Variants in ARID1A observed in about 807,000 individuals in gnomAD.
The protein encoded by ARID1A is AT-rich interactive domain-containing protein 1A.
Under a neutral mutation model 212.6 loss-of-function variants are expected in ARID1A, and 20 were observed. The observed-to-expected ratio is 0.09, with a 90% CI of 0.07 to 0.14. ARID1A has a LOEUF of 0.14. ARID1A is among the 10% of genes least tolerant of loss of function. The pLI is 1.00. For missense variants in ARID1A, 2,587 were observed against 3,059.0 expected (o/e 0.85, Z 3.64); for synonymous variants, 1,376 against 1,222.1 (o/e 1.13, Z -2.63).
intron 1 of ARID1A, chr1:26,727,889 C>CTT (rs1404929345): frequency 2.0e-5 from 3 of 152,206 alleles, no homozygotes; most frequent in Non-Finnish European, 4.4e-5. Flanking sequence ...CCCCCAAGCT[C>CTT]TTTACAGGGG....
intron 4 of ARID1A, among the ~76,000 whole-genome samples, chr1:26,760,629 C>T (rs560381284): frequency 9.9e-5 from 15 of 151,646 alleles, no homozygotes; most frequent in Admixed American, 2.0e-4. Context: ...TCAGAGGTTG[C>T]GATGAGCCGA....
chr1:26,772,402 G>A (rs991343274), intron 12 of ARID1A, 98 bp from the exon 13 acceptor site: 2 of 1,562,174 alleles, frequency 1.3e-6, no homozygotes, highest in Non-Finnish European at 1.7e-6. Context: ...GCCTTAGGAA[G>A]AACTTTCCCA....
intron 4 of ARID1A, among the ~76,000 whole-genome samples, chr1:26,735,338 G>A (rs1236950581): frequency 6.6e-6 from 1 of 152,020 alleles, no homozygotes; most frequent in Non-Finnish European, 1.5e-5. Flanking sequence ...TGTTGCCCAG[G>A]CTGGAGTGCA....
chr1:26,781,148 G>C lies in ARID1A; in HGVS notation c.*392G>C, dbSNP rs1396050280. The stretch of plus-strand genomic sequence containing the variant: ...CAACGGGATGCCACATTTCATAACT[G>C]TTTTTAATGGTAAAAAAAAAAAAAA... On this transcript the variant is annotated 3_prime_UTR_variant, in exon 20 of 20. Transcript: ENST00000324856. 3 of 221,444 alleles carry C rather than the reference G, an allele frequency of 1.4e-5. No individual in the cohort carries two copies. In the Admixed American group the frequency reaches 1.9e-4, roughly 14 times the overall value. 13.7% of individuals were successfully genotyped at this position (221,444 alleles called of 1,614,324 possible).
rs2124790430 is a variant in ARID1A, at chr1:26,731,581, C to A, written c.1780C>A (p.Gln594Lys). ...GCAGTCCCAGCAAACTGCCTATTCCCAGCAGCGCTTCCCTCCACCGCAGGT... is the reference window on the plus strand; with the variant it reads ...GCAGTCCCAGCAAACTGCCTATTCCAAGCAGCGCTTCCCTCCACCGCAGGT... ...SQQSQQTAYS[Q>K]QRFPPPQELS... The change falls in exon 3 of 20, where the codon CAG (glutamine) becomes AAG (lysine). Residue 594 changes from glutamine (Q) to lysine (K), a missense_variant. Gln to Lys is a moderately conservative substitution (Grantham distance 53, BLOSUM62 1). This residue lies in a region of ARID1A where 674 missense variants were observed against 813.4 expected (regional missense o/e 0.83). Transcript: ENST00000324856. 5 of 1,613,972 alleles carry A rather than the reference C, an allele frequency of 3.1e-6. No individual in the cohort carries two copies. Among genetic ancestry groups the A allele is most frequent in the Non-Finnish European group, 4.2e-6 (5 of 1,179,860 alleles).
In ARID1A at chr1:26,696,433, C is replaced by A; in HGVS notation, c.30C>A (p.Ala10=). 7.7e-7 allele frequency: 1 copy of A among 1,291,648 alleles called. No homozygotes were observed. Among genetic ancestry groups the A allele is most frequent in the South Asian group, 2.3e-5 (1 of 44,196 alleles). The allele number at this position is 1,291,648 out of a possible 1,614,324, so 80.0% of individuals were successfully genotyped here. A position where few individuals can be genotyped will look rare whatever the true frequency, so the allele number is the denominator to read the frequency against. Residue 10 remains alanine (A), a synonymous_variant, in exon 1 of 20, where the codon GCC becomes GCA. Coordinates refer to ENST00000324856, the MANE Select transcript of ARID1A (RefSeq NM_006015.6). ...CCGCGCAGGTCGCCCCCGCCGCCGC[C>A]AGCAGCCTGGGCAACCCGCCGCCGC... MAAQVAPAA[A]SSLGNPPPPP...
chr1:26,704,765 A>G (rs1401900179), intron 1 of ARID1A, among the ~76,000 whole-genome samples: 1 of 151,894 alleles, frequency 6.6e-6, no homozygotes, highest in Non-Finnish European at 1.5e-5. Flanking sequence ...AAGCTGAGGC[A>G]GGAGGATTGC....
At position 26,710,494 on chromosome 1, in the gene ARID1A, T is replaced by TAACACACAC. The variant is rs1553147496; in HGVS notation, c.1137+12955_1137+12956insACACACACA. 2.4e-4 allele frequency among the ~76,000 whole-genome samples: 32 copies of TAACACACAC among 131,424 alleles called. 1 individual carries two copies. In the Admixed American group the frequency reaches 2.4e-3, roughly 10 times the overall value. 86.2% of individuals were successfully genotyped at this position (131,424 alleles called of 152,430 possible). The stretch of plus-strand genomic sequence containing the variant: ...CCATCTCAAAAAATAAAATAATACA[T>TAACACACAC]ACACACACACACACACACACACACA... On this transcript the variant is annotated intron_variant, in intron 1 of 19. Transcript: ENST00000324856.
At chr1:26,750,474 C>T (rs1309194343) in intron 4 of ARID1A, among the ~76,000 whole-genome samples, 1 of 152,092 alleles carries the variant, frequency 6.6e-6, no homozygotes, top group African/African-American at 2.4e-5. Context: ...GCTTTTAAAG[C>T]CTCTAGAAAG....
chr1:26,759,749 G>A (rs940649874), intron 4 of ARID1A, among the ~76,000 whole-genome samples: 7 of 152,150 alleles, frequency 4.6e-5, no homozygotes, highest in Non-Finnish European at 1.0e-4. Flanking sequence ...GACAAGCAAA[G>A]CCTACAAACA....
intron 10 of ARID1A, 150 bp downstream of exon 10, chr1:26,766,716 A>G (rs2081042836): frequency 3.6e-6 from 3 of 823,022 alleles, no homozygotes; most frequent in Admixed American, 2.9e-5. Context: ...TCCTCTTATC[A>G]TGAAAGGTCC....
At chr1:26,724,157 C>T (rs908931418) in intron 1 of ARID1A, among the ~76,000 whole-genome samples, 3 of 152,116 alleles carry the variant, frequency 2.0e-5, no homozygotes, top group African/African-American at 7.2e-5. Context: ...AGTAATAATA[C>T]TTAAATGTCC....
At chr1:26,732,426 T>A (rs1482773778) in intron 3 of ARID1A, among the ~76,000 whole-genome samples, 1 of 152,208 alleles carries the variant, frequency 6.6e-6, no homozygotes, top group Non-Finnish European at 1.5e-5. Context: ...TGGCCAGACA[T>A]TAGCATTTAA....
At chr1:26,725,877 C>G (rs2080611703) in intron 1 of ARID1A, among the ~76,000 whole-genome samples, 1 of 128,534 alleles carries the variant, frequency 7.8e-6, no homozygotes, top group East Asian at 2.3e-4. Flanking sequence ...TTTTTTGAGA[C>G]AGAGTCCCAC....
intron 4 of ARID1A, among the ~76,000 whole-genome samples, chr1:26,744,815 G>A (rs1283806344): frequency 6.6e-6 from 1 of 152,088 alleles, no homozygotes; most frequent in Non-Finnish European, 1.5e-5. Context: ...TCCATCCTGT[G>A]TGAGCAATTC....
At chr1:26,748,469 G>T (rs924537521) in intron 4 of ARID1A, among the ~76,000 whole-genome samples, 1 of 152,118 alleles carries the variant, frequency 6.6e-6, no homozygotes, top group African/African-American at 2.4e-5. Context: ...TTGGCTTTGA[G>T]AAAGTAGGGG....
intron 4 of ARID1A, among the ~76,000 whole-genome samples, chr1:26,757,341 G>T (rs947828139): frequency 7.6e-5 from 11 of 145,356 alleles, no homozygotes; most frequent in Non-Finnish European, 1.4e-4. Flanking sequence ...ATGGTGGCGG[G>T]TGCCTGTAGT....
At position 26,766,223 on chromosome 1, in the gene ARID1A, C is replaced by T. The variant is rs1392166633; in HGVS notation, c.2735C>T (p.Pro912Leu). 73 of 1,612,024 alleles carry T rather than the reference C, an allele frequency of 4.5e-5. No homozygotes were observed. The highest frequency in any genetic ancestry group is 5.9e-5 in the Non-Finnish European group (69 of 1,179,324). Residue 912 changes from proline (P) to leucine (L), a missense_variant and splice_region_variant, in exon 9 of 20, where the codon CCG (proline) becomes CTG (leucine). Coordinates refer to ENST00000324856, the MANE Select transcript of ARID1A (RefSeq NM_006015.6). Reference protein sequence around the residue: ...HVAANSIQNRPPGYPNMNQGG... With the variant: ...HVAANSIQNRLPGYPNMNQGG... ...TCACTTTCCATCTTCTTCCTTAGGC[C>T]GCCAGGCTACCCCAATATGAATCAA...
intron 14 of ARID1A, 48 bp downstream of exon 14, chr1:26,773,035 C>T (rs2081097649): frequency 1.3e-6 from 2 of 1,572,822 alleles, no homozygotes; most frequent in South Asian, 1.2e-5. Flanking sequence ...AAGACAGGGC[C>T]AGTGAAATGG....
Sources: allele counts gnomAD v4.1 joint callset (sites outside exome capture counted in the v4.1 genomes callset), GRCh38; gene constraint gnomAD v4.1.1; regional missense constraint gnomAD v4.1.1; transcripts MANE v1.5; gene names NCBI Gene and HGNC (gene_info 2026-07-23, HGNC 2026-07-21).